Variants in KHDRBS2 observed in about 807,000 individuals in gnomAD.
KHDRBS2 encodes the protein KH domain-containing, RNA-binding, signal transduction-associated protein 2.
Under a neutral mutation model 44.3 loss-of-function variants are expected in KHDRBS2, and 26 were observed. The observed-to-expected ratio is 0.59, with a 90% CI of 0.43 to 0.81. The LOEUF (loss-of-function observed/expected upper bound fraction) is 0.81. Ranked by LOEUF, KHDRBS2 falls within the 40% of genes least tolerant of loss-of-function variation. The pLI is 0.00. For synonymous variants in KHDRBS2, 194 were observed against 151.1 expected, an observed-to-expected ratio of 1.28 and a Z score of -2.08; for missense variants, 476 against 433.1, an observed-to-expected ratio of 1.10 and a Z score of -0.88.
At chr6:62,203,597 A>G (rs1305284606) in intron 1 of KHDRBS2, among the ~76,000 whole-genome samples, 2 of 152,054 alleles carry the variant, frequency 1.3e-5, no homozygotes, top group African/African-American at 4.8e-5. Flanking sequence ...GTAAGATGTT[A>G]TGAGCTTGAG....
At chr6:61,704,166 C>A (rs1432446528) in intron 7 of KHDRBS2, among the ~76,000 whole-genome samples, 1 of 151,802 alleles carries the variant, frequency 6.6e-6, no homozygotes, top group Non-Finnish European at 1.5e-5. Flanking sequence ...TTATCCCTAA[C>A]TATACAAAGT....
the KHDRBS2 span, among the ~76,000 whole-genome samples, chr6:61,593,533 A>G: frequency 1.3e-5 from 2 of 150,266 alleles, no homozygotes; most frequent in Non-Finnish European, 3.0e-5. Context: ...TTCTACTTCT[A>G]CCAAAGATAA....
In KHDRBS2 at chr6:61,789,791, C is replaced by A. The variant is rs1784360963; in HGVS notation, c.811-57027G>T. Among the ~76,000 whole-genome samples, 3 of 151,398 alleles carry A rather than the reference C, an allele frequency of 2.0e-5. No individual in the cohort carries two copies. The South Asian group carries it at 6.2e-4, about 31-fold the overall frequency. On this transcript the variant is annotated intron_variant, in intron 6 of 8. Coordinates refer to ENST00000281156, the MANE Select transcript of KHDRBS2 (RefSeq NM_152688.4). ...AATAACTTTAATGGATGCATGGCCA[C>A]ATGTATACTGGTAACAAGTGAAAAG...
chr6:61,901,255 T>A lies in KHDRBS2; in HGVS notation c.600A>T (p.Thr200=). 1 of 1,612,838 alleles carries A rather than the reference T, an allele frequency of 6.2e-7. No individual in the cohort carries two copies. The highest frequency in any genetic ancestry group is 8.5e-7 in the Non-Finnish European group (1 of 1,179,516). The change falls in exon 5 of 9, where the codon ACA becomes ACT. Residue 200 remains threonine (T), a synonymous_variant. Coordinates refer to ENST00000281156, the MANE Select transcript of KHDRBS2 (RefSeq NM_152688.4). ...AAGAATGAATGTACCTTGAAGGAGC[T>A]GTGGGAGCTATTCTGATCCCTCTGC... ...IRGRGIRIAP[T]APSRGRGGAI... is the part of the protein sequence containing the mutation.
At chr6:61,785,617 T>C (rs1310155945) in intron 6 of KHDRBS2, among the ~76,000 whole-genome samples, 1 of 152,092 alleles carries the variant, frequency 6.6e-6, no homozygotes, top group Non-Finnish European at 1.5e-5. Flanking sequence ...AGTGAGAGGA[T>C]TCTCTTTTTT....
intron 6 of KHDRBS2, among the ~76,000 whole-genome samples, chr6:61,765,168 TAGCATTTCTATAATCCC>T (rs1414248615): frequency 1.2e-4 from 18 of 152,226 alleles, no homozygotes; most frequent in Admixed American, 4.6e-4. Flanking sequence ...CCAGGCATGG[TAGCATTTCTATAATCCC>T]AGCATTTCTA....
At chr6:61,545,668 G>C in the KHDRBS2 span, among the ~76,000 whole-genome samples, 91 of 152,094 alleles carry the variant, frequency 6.0e-4, 1 homozygote, top group African/African-American at 2.1e-3. Context: ...CTCTGTTATA[G>C]ACTGAATGTT....
chr6:61,939,730 T>C (rs543250226), intron 4 of KHDRBS2, among the ~76,000 whole-genome samples: 11 of 152,200 alleles, frequency 7.2e-5, no homozygotes, highest in Non-Finnish European at 1.5e-4. Context: ...ATCAGCATGA[T>C]AGAATTATTC....
intron 2 of KHDRBS2, among the ~76,000 whole-genome samples, chr6:62,164,033 T>G (rs1300014129): frequency 1.3e-5 from 2 of 151,990 alleles, no homozygotes; most frequent in East Asian, 1.9e-4. Context: ...AACGTGCATT[T>G]TTTTTCATAA....
chr6:62,044,427 A>G, intron 3 of KHDRBS2, among the ~76,000 whole-genome samples: 1 of 151,962 alleles, frequency 6.6e-6, no homozygotes, highest in Non-Finnish European at 1.5e-5. Flanking sequence ...TCAAAGCTGC[A>G]GTGAGCTGTG....
intron 7 of KHDRBS2, among the ~76,000 whole-genome samples, chr6:61,714,567 T>G (rs1442328163): frequency 6.6e-6 from 1 of 151,638 alleles, no homozygotes; most frequent in Non-Finnish European, 1.5e-5. Flanking sequence ...ATAAATCATT[T>G]TATATATACG....
intron 6 of KHDRBS2, among the ~76,000 whole-genome samples, chr6:61,757,655 T>G (rs913506053): frequency 1.3e-5 from 2 of 152,150 alleles, no homozygotes; most frequent in African/African-American, 4.8e-5. Flanking sequence ...TCTTCCGTTT[T>G]TCCTCTTTTT....
chr6:62,183,027 T>A (rs1429364171), intron 1 of KHDRBS2, among the ~76,000 whole-genome samples: 1 of 151,886 alleles, frequency 6.6e-6, no homozygotes, highest in African/African-American at 2.4e-5. Flanking sequence ...ACTAAATGTT[T>A]AACACTGGCT....
chr6:61,747,037 A>G (rs1383727600), intron 6 of KHDRBS2, among the ~76,000 whole-genome samples: 3 of 121,734 alleles, frequency 2.5e-5, no homozygotes, highest in Non-Finnish European at 3.8e-5. Context: ...TAAAAGAAAA[A>G]AAAAGAAAAA....
At chr6:62,078,875 A>AT (rs1329972047) in intron 2 of KHDRBS2, among the ~76,000 whole-genome samples, 26 of 152,026 alleles carry the variant, frequency 1.7e-4, no homozygotes, top group Non-Finnish European at 3.1e-4. Context: ...AAAAGGGAAC[A>AT]TTTTTTGTGT....
At chr6:62,060,633 C>CTCTATATA (rs758456817) in intron 2 of KHDRBS2, among the ~76,000 whole-genome samples, 7 of 144,870 alleles carry the variant, frequency 4.8e-5, no homozygotes, top group African/African-American at 1.8e-4. Context: ...CTCTCTCTCT[C>CTCTATATA]TATATATATA....
rs141720388 is a variant in KHDRBS2 at position 61,910,570 on chromosome 6, T to C, written c.484-9199A>G. Among the ~76,000 whole-genome samples, 1,278 of 152,312 alleles carry C rather than the reference T, an allele frequency of 8.4e-3. 10 individuals are homozygous for C. Among genetic ancestry groups the C allele is most frequent in the Non-Finnish European group, 0.012 (791 of 68,024 alleles). On this transcript the variant is annotated intron_variant, in intron 4 of 8. Coordinates refer to ENST00000281156, the MANE Select transcript of KHDRBS2 (RefSeq NM_152688.4). ...TCATCAGAGAATAAGATAGTACCAA[T>C]ACAGACAGTATGTAGACATTTTGCA...
the KHDRBS2 span, among the ~76,000 whole-genome samples, chr6:61,579,118 T>C: frequency 1.3e-5 from 2 of 152,128 alleles, no homozygotes; most frequent in African/African-American, 2.4e-5. Flanking sequence ...ACCAGTAGTA[T>C]AGAGAACACA....
chr6:62,091,912 T>C (rs1323657777), intron 2 of KHDRBS2, among the ~76,000 whole-genome samples: 4 of 152,188 alleles, frequency 2.6e-5, no homozygotes, highest in African/African-American at 9.7e-5. Context: ...TTATTAATTA[T>C]TAACTACAAT....
Sources: allele counts gnomAD v4.1 joint callset (sites outside exome capture counted in the v4.1 genomes callset), GRCh38; gene constraint gnomAD v4.1.1; transcripts MANE v1.5; gene names NCBI Gene and HGNC (gene_info 2026-07-23, HGNC 2026-07-21).